The following ANKRD17 variants were observed in gnomAD, a reference collection of about 807,000 sequenced individuals.
The protein encoded by ANKRD17 is ankyrin repeat domain-containing protein 17.
Under a neutral mutation model 229.7 loss-of-function variants are expected in ANKRD17, and 19 were observed. The observed-to-expected ratio is 0.08, with a 90% CI of 0.06 to 0.12. ANKRD17 has a LOEUF of 0.12. Among genes scored for constraint, ANKRD17 ranks in the 10% least tolerant of loss-of-function variants. The pLI is 1.00. For synonymous variants in ANKRD17, 1,112 were observed against 1,146.1 expected (o/e 0.97, Z 0.60); for missense variants, 2,176 against 3,176.8 (o/e 0.68, Z 7.57).
chr4:73,199,221 CTGTGTGTG>C (rs10577503), intron 1 of ANKRD17, among the ~76,000 whole-genome samples: 67 of 140,474 alleles, frequency 4.8e-4, no homozygotes, highest in Middle Eastern at 3.7e-3. Context: ...TACAGTTTGG[CTGTGTGTG>C]TGTGTGTGTG....
At chr4:73,125,745 A>G (rs72661101) in intron 16 of ANKRD17, among the ~76,000 whole-genome samples, 3 of 144,416 alleles carry the variant, frequency 2.1e-5, no homozygotes, top group East Asian at 2.0e-4. Flanking sequence ...AAAAAAAAAA[A>G]AAAAGAAAAG....
intron 1 of ANKRD17, among the ~76,000 whole-genome samples, chr4:73,211,164 CACATT>C (rs1163035318): frequency 3.3e-5 from 5 of 151,890 alleles, no homozygotes; most frequent in Non-Finnish European, 7.4e-5. Flanking sequence ...TATATGGTCT[CACATT>C]ACTTTTACAG....
chr4:73,163,683 G>A (rs1053066586), intron 2 of ANKRD17, among the ~76,000 whole-genome samples: 4 of 152,124 alleles, frequency 2.6e-5, no homozygotes, highest in Non-Finnish European at 4.4e-5. Flanking sequence ...ATTAAGCACC[G>A]AGTTAGAATA....
In ANKRD17 at chr4:73,122,177, C is replaced by T. The variant is rs1017605032; in HGVS notation, c.3493-418G>A. 3.3e-5 allele frequency among the ~76,000 whole-genome samples: 5 copies of T among 152,158 alleles called. No homozygotes were observed. In the South Asian group the frequency reaches 6.2e-4, roughly 19 times the overall value. ...TTTTAAAAGCATGGTATAAAAGGTC[C>T]TATATTTTCACAAGATTATGAAAAT... is the stretch of plus-strand genomic sequence containing the variant. On this transcript the variant is annotated intron_variant, in intron 18 of 33. Coordinates refer to ENST00000358602, the MANE Select transcript of ANKRD17 (RefSeq NM_032217.5).
chr4:73,155,585 A>G, intron 5 of ANKRD17, 46 bp downstream of exon 5: 1 of 1,600,716 alleles, frequency 6.2e-7, no homozygotes, highest in South Asian at 1.1e-5. Context: ...CATTATTACC[A>G]AATGATGTTA....
chr4:73,244,246 G>C (rs1403006794), intron 1 of ANKRD17, among the ~76,000 whole-genome samples: 1 of 152,088 alleles, frequency 6.6e-6, no homozygotes, highest in Non-Finnish European at 1.5e-5. Flanking sequence ...CTTGGGGTTA[G>C]GGCTTCAAAA....
intron 1 of ANKRD17, among the ~76,000 whole-genome samples, chr4:73,212,421 C>T (rs748940884): frequency 3.3e-5 from 5 of 152,076 alleles, no homozygotes; most frequent in African/African-American, 4.8e-5. Context: ...ATTTACGAAA[C>T]GATCCACCTG....
Position 73,157,568 on chromosome 4 carries a change from A to T in ANKRD17, c.705-1402T>A, listed in dbSNP as rs182125834. On this transcript the variant is annotated intron_variant, in intron 3 of 33. Coordinates refer to ENST00000358602, the MANE Select transcript of ANKRD17 (RefSeq NM_032217.5). ...TTCTTTTTATTTCAAATATAACTCA[A>T]TTATTTTATTATCCTCTTAAAATAT... 3.6e-4 allele frequency among the ~76,000 whole-genome samples: 55 copies of T among 152,322 alleles called. 1 individual carries two copies. Among genetic ancestry groups the T allele is most frequent in the African/African-American group, 1.1e-3 (46 of 41,582 alleles).
intron 2 of ANKRD17, among the ~76,000 whole-genome samples, chr4:73,172,943 A>G (rs1048769558): frequency 6.6e-6 from 1 of 152,232 alleles, no homozygotes; most frequent in Non-Finnish European, 1.5e-5. Flanking sequence ...AAATGACAGG[A>G]GTAAGTCTTC....
At chr4:73,256,961 T>C (rs1219402068) in intron 1 of ANKRD17, among the ~76,000 whole-genome samples, 1 of 152,228 alleles carries the variant, frequency 6.6e-6, no homozygotes, top group African/African-American at 2.4e-5. Context: ...CAAATAGACA[T>C]GTGTCAAATC....
chr4:73,217,213 A>G (rs1395669148), intron 1 of ANKRD17, among the ~76,000 whole-genome samples: 1 of 152,216 alleles, frequency 6.6e-6, no homozygotes, highest in Non-Finnish European at 1.5e-5. Flanking sequence ...CTTTACTTTC[A>G]TATAAGAGTA....
intron 16 of ANKRD17, among the ~76,000 whole-genome samples, chr4:73,128,884 G>T (rs946840233): frequency 2.6e-5 from 4 of 152,074 alleles, no homozygotes; most frequent in Admixed American, 2.6e-4. Flanking sequence ...AACTGAAATA[G>T]AAATTTGGGT....
At chr4:73,219,849 T>C (rs918683973) in intron 1 of ANKRD17, among the ~76,000 whole-genome samples, 2 of 152,124 alleles carry the variant, frequency 1.3e-5, no homozygotes, top group Non-Finnish European at 2.9e-5. Flanking sequence ...AGCAAAAATA[T>C]ATCAAATACT....
chr4:73,249,124 T>C lies in ANKRD17; in HGVS notation c.393+9152A>G, dbSNP rs796730982. 2.0e-5 allele frequency among the ~76,000 whole-genome samples: 3 copies of C among 152,322 alleles called. No homozygotes were observed. In the South Asian group the frequency reaches 6.2e-4, roughly 32 times the overall value. ...ATATTTATTCTAAATTCCAAACTAATGGAACCAACCTTTCCATAGATACTT... is the reference window on the plus strand; with the variant it reads ...ATATTTATTCTAAATTCCAAACTAACGGAACCAACCTTTCCATAGATACTT... On this transcript the variant is annotated intron_variant, in intron 1 of 33. Transcript: ENST00000358602.
intron 24 of ANKRD17, among the ~76,000 whole-genome samples, chr4:73,105,660 T>C (rs940887060): frequency 2.0e-5 from 3 of 152,204 alleles, no homozygotes; most frequent in Non-Finnish European, 2.9e-5. Flanking sequence ...TAAGATGCCA[T>C]TGGTTACCTC....
At chr4:73,250,674 G>A (rs1461055633) in intron 1 of ANKRD17, among the ~76,000 whole-genome samples, 2 of 146,218 alleles carry the variant, frequency 1.4e-5, no homozygotes, top group Non-Finnish European at 3.0e-5. Context: ...AATTCCTCAA[G>A]TACTGTAACG....
Position 73,172,316 on chromosome 4 carries a change from T to C in ANKRD17, c.547+5064A>G, listed in dbSNP as rs149023432. Reference sequence around the variant, plus strand: ...AAATTTTATCCTATAATAGTACATCTGGCAAATATATCCCTTAAACATGAA... The same window carrying C: ...AAATTTTATCCTATAATAGTACATCCGGCAAATATATCCCTTAAACATGAA... On this transcript the variant is annotated intron_variant, in intron 2 of 33. Transcript: ENST00000358602. 4.4e-3 allele frequency among the ~76,000 whole-genome samples: 664 copies of C among 152,324 alleles called. 5 individuals carry two copies. The highest frequency in any genetic ancestry group is 0.015 in the African/African-American group (639 of 41,560).
intron 18 of ANKRD17, 47 bp downstream of exon 18, chr4:73,124,866 T>C: frequency 6.3e-7 from 1 of 1,591,884 alleles, no homozygotes. Context: ...AAGTACACAT[T>C]TGCTAAACAG....
chr4:73,240,620 G>A (rs1335468617), intron 1 of ANKRD17, among the ~76,000 whole-genome samples: 1 of 151,842 alleles, frequency 6.6e-6, no homozygotes, highest in Non-Finnish European at 1.5e-5. Flanking sequence ...GCAAGACCCT[G>A]TGCCTAAAAA....
Sources: gnomAD v4.1 joint callset for allele counts (sites outside exome capture counted in the v4.1 genomes callset) on GRCh38, gnomAD v4.1.1 for gene constraint, MANE v1.5 for transcripts, NCBI Gene and HGNC (gene_info 2026-07-23, HGNC 2026-07-21) for gene names.